Variants in LCA5 observed in about 807,000 individuals in gnomAD.
LCA5 encodes the protein lebercilin LCA5, also known as lebercilin.
Under a neutral mutation model 53.0 loss-of-function variants are expected in LCA5, and 37 were observed. The observed-to-expected ratio is 0.70, with a 90% CI of 0.54 to 0.92. The LOEUF is 0.92. Ranked by LOEUF, LCA5 falls within the 40% of genes least tolerant of loss-of-function variation. The pLI, the probability that LCA5 is intolerant of heterozygous loss-of-function variation, is 0.00. For missense variants in LCA5, 806 were observed against 790.5 expected (o/e 1.02, Z -0.23); for synonymous variants, 303 against 282.9 (o/e 1.07, Z -0.71).
chr6:79,534,084 C>A (rs1767038270), intron 1 of LCA5, among the ~76,000 whole-genome samples: 1 of 148,508 alleles, frequency 6.7e-6, no homozygotes, highest in African/African-American at 2.5e-5. Context: ...TGCTCCTCTT[C>A]CACAAAGGAG....
intron 3 of LCA5, among the ~76,000 whole-genome samples, chr6:79,512,667 T>C (rs1766267771): frequency 6.6e-6 from 1 of 152,030 alleles, no homozygotes; most frequent in South Asian, 2.1e-4. Context: ...GTAAAAATCA[T>C]GGGATAGGAC....
At chr6:79,514,277 T>C (rs1340976940) in intron 2 of LCA5, among the ~76,000 whole-genome samples, 1 of 152,152 alleles carries the variant, frequency 6.6e-6, no homozygotes, top group Non-Finnish European at 1.5e-5. Context: ...GTGTCTGTTA[T>C]GTCCTTTCCT....
At chr6:79,506,748 A>G (rs1770281270) in intron 3 of LCA5, among the ~76,000 whole-genome samples, 1 of 152,202 alleles carries the variant, frequency 6.6e-6, no homozygotes, top group Admixed American at 6.5e-5. Flanking sequence ...AGTCAAAACT[A>G]TTTTATAATA....
At chr6:79,535,398 TGACA>T (rs1767083488) in intron 1 of LCA5, among the ~76,000 whole-genome samples, 1 of 152,196 alleles carries the variant, frequency 6.6e-6, no homozygotes, top group African/African-American at 2.4e-5. Flanking sequence ...CGATAATCAC[TGACA>T]GACAGTGTTT....
In LCA5 at chr6:79,524,065, G is replaced by GA. The variant is rs1264583668; in HGVS notation, c.-191-4981dup. Among the ~76,000 whole-genome samples the GA allele has an allele frequency of 7.9e-5, 12 of 152,026 alleles. No individual in the cohort carries two copies. The South Asian group carries it at 2.5e-3, about 32-fold the overall frequency. On this transcript the variant is annotated intron_variant, in intron 1 of 7. Transcript: ENST00000369846. ...ATTGTCTTTTTTTTCCTATTAAGTGGAAAAAACGTTTCTTATATCACTAAT... is the reference window on the plus strand; with the variant it reads ...ATTGTCTTTTTTTTCCTATTAAGTGGAAAAAAACGTTTCTTATATCACTAAT...
chr6:79,506,194 A>T (rs182980048), intron 3 of LCA5, among the ~76,000 whole-genome samples: 1 of 152,302 alleles, frequency 6.6e-6, no homozygotes, highest in African/African-American at 2.4e-5. Context: ...TTTTTAAAAA[A>T]GTCTTAATAG....
intron 3 of LCA5, among the ~76,000 whole-genome samples, chr6:79,512,519 C>G (rs952819090): frequency 6.6e-6 from 1 of 152,108 alleles, no homozygotes; most frequent in Non-Finnish European, 1.5e-5. Context: ...CCTTTGCTCA[C>G]GCTCACAGCA....
At chr6:79,499,849 C>T (rs1770085768) in intron 3 of LCA5, among the ~76,000 whole-genome samples, 1 of 151,170 alleles carries the variant, frequency 6.6e-6, no homozygotes, top group Admixed American at 6.6e-5. Context: ...TCCCCCACTC[C>T]CCCCACCCCA....
intron 3 of LCA5, among the ~76,000 whole-genome samples, chr6:79,506,750 T>C (rs1770281368): frequency 6.6e-6 from 1 of 152,180 alleles, no homozygotes; most frequent in Non-Finnish European, 1.5e-5. Flanking sequence ...TCAAAACTAT[T>C]TTATAATACT....
intron 1 of LCA5, among the ~76,000 whole-genome samples, chr6:79,520,196 A>G (rs1562110080): frequency 6.6e-6 from 1 of 152,126 alleles, no homozygotes; most frequent in African/African-American, 2.4e-5. Flanking sequence ...TTAAATGCCT[A>G]ATCATTGAGG....
upstream of LCA5, among the ~76,000 whole-genome samples, chr6:79,538,305 G>A (rs1767220196): frequency 1.3e-5 from 2 of 151,974 alleles, no homozygotes; most frequent in Admixed American, 1.3e-4. Flanking sequence ...GAAGGCAAAT[G>A]CGTTTAATGA....
chr6:79,513,886 G>T, intron 2 of LCA5, 145 bp from the exon 3 acceptor site: 1 of 750,066 alleles, frequency 1.3e-6, no homozygotes, highest in Non-Finnish European at 2.2e-6. Flanking sequence ...AAAGTATCAA[G>T]TTTTATTTAG....
At chr6:79,490,375 T>C (rs1162288881) in intron 6 of LCA5, among the ~76,000 whole-genome samples, 2 of 152,052 alleles carry the variant, frequency 1.3e-5, no homozygotes, top group East Asian at 1.9e-4. Context: ...ATTTTATACA[T>C]GAGAAAGCTG....
chr6:79,520,096 T>G (rs897274147), intron 1 of LCA5, among the ~76,000 whole-genome samples: 1 of 152,140 alleles, frequency 6.6e-6, no homozygotes, highest in African/African-American at 2.4e-5. Flanking sequence ...CAATAATTTC[T>G]GGACTCCAAT....
chr6:79,536,632 A>C (rs1767133415), intron 1 of LCA5, among the ~76,000 whole-genome samples: 1 of 152,154 alleles, frequency 6.6e-6, no homozygotes, highest in African/African-American at 2.4e-5. Flanking sequence ...GATGTATAGA[A>C]GTATCACAGC....
chr6:79,500,189 T>TAC (rs1336140055), intron 3 of LCA5, among the ~76,000 whole-genome samples: 1 of 152,194 alleles, frequency 6.6e-6, no homozygotes, highest in Non-Finnish European at 1.5e-5. Context: ...CAGCATGATT[T>TAC]ACAGTCCTTT....
intron 3 of LCA5, among the ~76,000 whole-genome samples, chr6:79,512,305 T>C (rs1448052645): frequency 3.3e-5 from 5 of 152,010 alleles, no homozygotes; most frequent in South Asian, 2.1e-4. Context: ...CAGAAGACAA[T>C]AGTTGCAAAT....
rs1769680919 is a variant in LCA5, at chr6:79,487,077, TG to T, written c.2020del (p.His674MetfsTer8). On this transcript the variant is annotated frameshift_variant, in exon 8 of 8. Coordinates refer to ENST00000369846, the MANE Select transcript of LCA5 (RefSeq NM_001122769.3). LOFTEE classifies it high-confidence loss of function. Reference sequence around the variant, plus strand: ...TTTTACTGCTGGTTTATCGTCTGCATGTTTTAATCGGTGCCTATTTGGATTA... The same window carrying T: ...TTTTACTGCTGGTTTATCGTCTGCATTTTTAATCGGTGCCTATTTGGATTA... ...SFNPNRHRLK[H>X]ADDKPAVKAA... The T allele has an allele frequency of 1.2e-5, 20 of 1,613,948 alleles. No homozygotes were observed. The highest frequency in any genetic ancestry group is 1.4e-5 in the Non-Finnish European group (17 of 1,179,830).
chr6:79,506,295 A>G (rs1770270226), intron 3 of LCA5, among the ~76,000 whole-genome samples: 2 of 152,212 alleles, frequency 1.3e-5, no homozygotes, highest in Non-Finnish European at 1.5e-5. Context: ...TGTGTACCCT[A>G]CAGTTTACTA....
Sources: allele counts gnomAD v4.1 joint callset (sites outside exome capture counted in the v4.1 genomes callset), GRCh38; gene constraint gnomAD v4.1.1; transcripts MANE v1.5; gene names NCBI Gene and HGNC (gene_info 2026-07-23, HGNC 2026-07-21).